Variants in XKR6 observed in about 807,000 individuals in gnomAD.
XKR6 encodes XK related 6.
Under a neutral mutation model 56.7 loss-of-function variants are expected in XKR6, and 22 were observed. The observed-to-expected ratio is 0.39, with a 90% CI of 0.28 to 0.55. XKR6 has a LOEUF of 0.55. Among genes scored for constraint, XKR6 ranks in the 20% least tolerant of loss-of-function variants. The pLI is 0.66. For missense variants in XKR6, 852 were observed against 889.0 expected (o/e 0.96, Z 0.53); for synonymous variants, 524 against 387.8 (o/e 1.35, Z -4.13).
intron 2 of XKR6, among the ~76,000 whole-genome samples, chr8:10,924,005 A>G (rs1800801221): frequency 6.6e-6 from 1 of 152,160 alleles, no homozygotes; most frequent in African/African-American, 2.4e-5. Context: ...TGAATGGATA[A>G]GCATCTCCCT....
chr8:11,045,125 C>T lies in XKR6; in HGVS notation c.765-120295G>A, dbSNP rs543483513. On this transcript the variant is annotated intron_variant, in intron 1 of 2. Coordinates refer to ENST00000416569, the MANE Select transcript of XKR6 (RefSeq NM_173683.4). ...TTTTTTTGAGGAAGTGTCGCTCTGT[C>T]GCCCAGGCCGGAGTGCAGTGGCACG... 1.6e-4 allele frequency among the ~76,000 whole-genome samples: 19 copies of T among 118,234 alleles called. 2 individuals are homozygous for T. In the South Asian group the frequency reaches 5.0e-3, roughly 31 times the overall value. The allele number at this position is 118,234 out of a possible 152,430, so 77.6% of individuals were successfully genotyped here.
chr8:11,016,610 C>G (rs1172421510), intron 1 of XKR6, among the ~76,000 whole-genome samples: 1 of 152,192 alleles, frequency 6.6e-6, no homozygotes, highest in Non-Finnish European at 1.5e-5. Flanking sequence ...GCAGCGCGGG[C>G]CCTCGGTAGG....
At chr8:11,037,884 G>A (rs533505698) in intron 1 of XKR6, among the ~76,000 whole-genome samples, 8 of 151,710 alleles carry the variant, frequency 5.3e-5, no homozygotes, top group East Asian at 1.9e-4. Flanking sequence ...AAAATTAGCC[G>A]GGTGTGGTGG....
At chr8:11,094,880 TA>T (rs1322689420) in intron 1 of XKR6, among the ~76,000 whole-genome samples, 5 of 152,110 alleles carry the variant, frequency 3.3e-5, no homozygotes. Flanking sequence ...AGAATGCCAC[TA>T]AAAAATAGGC....
Position 10,898,202 on chromosome 8 carries a change from CAAGT to C in XKR6, c.1672_1675del (p.Thr558AlafsTer7), listed in dbSNP as rs1799940324. The C allele has an allele frequency of 1.9e-6, 3 of 1,614,132 alleles. No homozygotes were observed. Among genetic ancestry groups the C allele is most frequent in the Non-Finnish European group, 1.7e-6 (2 of 1,180,012 alleles). On this transcript the variant is annotated frameshift_variant, in exon 3 of 3. Transcript: ENST00000416569. LOFTEE classifies it high-confidence loss of function. The surrounding 1 kb of genome is among the most constrained non-coding windows in gnomAD (Gnocchi z 6.6). ...GGGTCTCACTTGGAAAACAGGCAAG[CAAGT>C]GTCAGCCGTGAGATCCTCCTGTTGT... is the stretch of plus-strand genomic sequence containing the variant.
At chr8:10,986,918 G>A (rs1295246089) in intron 1 of XKR6, among the ~76,000 whole-genome samples, 1 of 151,398 alleles carries the variant, frequency 6.6e-6, no homozygotes, top group Non-Finnish European at 1.5e-5. Context: ...CTATAGGTGT[G>A]CACTACCATG....
At chr8:11,034,028 A>G (rs1395433295) in intron 1 of XKR6, among the ~76,000 whole-genome samples, 1 of 152,244 alleles carries the variant, frequency 6.6e-6, no homozygotes, top group Non-Finnish European at 1.5e-5. Context: ...TAGCCTGTTT[A>G]GTCAACCTTA....
At chr8:11,130,430 A>G (rs1022036333) in intron 1 of XKR6, among the ~76,000 whole-genome samples, 1 of 152,112 alleles carries the variant, frequency 6.6e-6, no homozygotes, top group Non-Finnish European at 1.5e-5. Context: ...CCTTGGAACC[A>G]TCAGGATCAG....
chr8:11,144,199 G>C (rs957163676), intron 1 of XKR6, among the ~76,000 whole-genome samples: 4 of 138,156 alleles, frequency 2.9e-5, no homozygotes, highest in Non-Finnish European at 4.6e-5. Context: ...ATATTTATTT[G>C]ATGTAGTTTT....
chr8:10,975,612 C>T (rs1276358157), intron 1 of XKR6, among the ~76,000 whole-genome samples: 2 of 152,236 alleles, frequency 1.3e-5, no homozygotes, highest in African/African-American at 4.8e-5. Context: ...TGTGACTCCT[C>T]TCTGGGCTGG....
Position 10,929,920 on chromosome 8 carries a change from A to G in XKR6, c.765-5090T>C, listed in dbSNP as rs566706119. Among the ~76,000 whole-genome samples, 12 of 152,274 alleles carry G rather than the reference A, an allele frequency of 7.9e-5. No individual in the cohort carries two copies. The South Asian group carries it at 2.1e-3, about 26-fold the overall frequency. The stretch of plus-strand genomic sequence containing the variant: ...TACTTTGTAAGCCATGGAATTGTTT[A>G]AAGCTCCTGTTCCCTCCAGCAGAAG... On this transcript the variant is annotated intron_variant, in intron 1 of 2. Transcript: ENST00000416569.
intron 1 of XKR6, among the ~76,000 whole-genome samples, chr8:11,058,775 A>G (rs7016414): frequency 0.63 from 95,539 of 152,066 alleles, 32,311 homozygotes; most frequent in African/African-American, 0.87. Flanking sequence ...GATAGGTGCA[A>G]CAAACCACCA....
chr8:10,988,355 G>A (rs555358086), intron 1 of XKR6, among the ~76,000 whole-genome samples: 13 of 152,274 alleles, frequency 8.5e-5, no homozygotes, highest in African/African-American at 2.2e-4. Context: ...TAACTCAGTC[G>A]CTCTCTCTGA....
At chr8:11,181,263 T>A (rs1563200065) in intron 1 of XKR6, among the ~76,000 whole-genome samples, 1 of 152,232 alleles carries the variant, frequency 6.6e-6, no homozygotes, top group East Asian at 1.9e-4. Flanking sequence ...AAAGCTTACA[T>A]ATGTATGATA....
At chr8:11,163,215 G>A (rs1038423404) in intron 1 of XKR6, among the ~76,000 whole-genome samples, 62 of 152,276 alleles carry the variant, frequency 4.1e-4, no homozygotes, top group African/African-American at 1.3e-3. Context: ...AGGGCCAGTC[G>A]TAATAATCAC....
At chr8:11,095,779 A>AT (rs1200919387) in intron 1 of XKR6, among the ~76,000 whole-genome samples, 1 of 152,242 alleles carries the variant, frequency 6.6e-6, no homozygotes, top group East Asian at 1.9e-4. Flanking sequence ...CACTGGTAAC[A>AT]TTTAAAAGCT....
At chr8:11,180,306 A>AGGG (rs1554480463) in intron 1 of XKR6, among the ~76,000 whole-genome samples, 2 of 152,366 alleles carry the variant, frequency 1.3e-5, no homozygotes, top group African/African-American at 4.8e-5. Context: ...AACAAAGAAC[A>AGGG]GGGGAAATGA....
chr8:10,949,594 G>A (rs1801657979), intron 1 of XKR6, among the ~76,000 whole-genome samples: 2 of 152,256 alleles, frequency 1.3e-5, no homozygotes, highest in Admixed American at 6.5e-5. Flanking sequence ...GGCTAGCGGG[G>A]TACACCGTTA....
chr8:11,088,319 T>C (rs1214133242), intron 1 of XKR6, among the ~76,000 whole-genome samples: 1 of 152,228 alleles, frequency 6.6e-6, no homozygotes, highest in Non-Finnish European at 1.5e-5. Flanking sequence ...CCAGATCCCC[T>C]TATGGTCTTA....
Sources: gnomAD v4.1 joint callset for allele counts (sites outside exome capture counted in the v4.1 genomes callset) on GRCh38, gnomAD v4.1.1 for gene constraint, Gnocchi (gnomAD v3.1) non-coding constraint, MANE v1.5 for transcripts, NCBI Gene and HGNC (gene_info 2026-07-23, HGNC 2026-07-21) for gene names.